Variants in SH2D3A observed in about 807,000 individuals in gnomAD.
SH2D3A encodes the protein SH2 domain-containing protein 3A.
In SH2D3A, 46 loss-of-function variants were observed where a neutral mutation model predicts 50.6. The observed-to-expected ratio is 0.91, with a 90% CI of 0.72 to 1.16. The LOEUF (loss-of-function observed/expected upper bound fraction) is 1.16, where lower values mean the gene tolerates loss of function less well. Ranked by LOEUF, SH2D3A falls within the 50% of genes most tolerant of loss-of-function variation. The pLI, the probability that SH2D3A is intolerant of heterozygous loss-of-function variation, is 0.00. For missense variants in SH2D3A, 783 were observed against 786.2 expected, an observed-to-expected ratio of 1.00 and a Z score of 0.05; for synonymous variants, 377 against 348.4, an observed-to-expected ratio of 1.08 and a Z score of -0.91.
Position 6,759,604 on chromosome 19 carries a change from G to T in SH2D3A, c.486C>A (p.Pro162=). The part of the protein sequence containing the change: ...LAHMGRSRED[P]AGMEASTMPI... ...CTAGCAGACACTTACCCATCCCAGC[G>T]GGGTCTTCTCTTGACCGCCCCATAT... Residue 162 remains proline, a synonymous_variant, in exon 4 of 10, where the codon CCC becomes CCA. Transcript: ENST00000245908. The T allele has an allele frequency of 6.2e-7, 1 of 1,613,858 alleles. No homozygotes were observed.
chr19:6,760,692 C>A lies in SH2D3A; in HGVS notation c.365G>T (p.Arg122Leu). 3.7e-6 allele frequency: 6 copies of A among 1,611,940 alleles called. No homozygotes were observed. The highest frequency in any genetic ancestry group is 1.7e-4 in the Middle Eastern group (1 of 6,042). ...CATCAGGGTGTCCTCGCTAAAGCTGCGTCGCAGAGGCCCCTGCCAAGTCAC... is the reference window on the plus strand; with the variant it reads ...CATCAGGGTGTCCTCGCTAAAGCTGAGTCGCAGAGGCCCCTGCCAAGTCAC... ...RPVTWQGPLR[R>L]SFSEDTLMDG... The change falls in exon 3 of 10, where the codon CGC becomes CTC. Residue 122 changes from arginine to leucine, a missense_variant. Transcript: ENST00000245908.
chr19:6,752,818 C>G, intron 9 of SH2D3A, 65 bp from the exon 10 acceptor site: 2 of 1,446,016 alleles, frequency 1.4e-6, no homozygotes, highest in South Asian at 2.8e-5. Flanking sequence ...TCCCAACCTC[C>G]CGGCACCTTC....
At position 6,759,657 on chromosome 19, in the gene SH2D3A, T is replaced by C; in HGVS notation, c.433A>G (p.Ser145Gly). ...GCCAAATCTGCAGGCTGACTGTTGC[T>C]CCACTTCCTTGCCCTGGGGGACAGA... ...RIEPLRARKW[S>G]NSQPADLAHM... Residue 145 changes from serine (S) to glycine (G), a missense_variant, in exon 4 of 10, where the codon AGC becomes GGC. Physicochemically the swap from Ser to Gly is moderately conservative, Grantham distance 56. Coordinates refer to ENST00000245908, the MANE Select transcript of SH2D3A (RefSeq NM_005490.3). 1 of 1,613,788 alleles carries C rather than the reference T, an allele frequency of 6.2e-7. No homozygotes were observed. The highest frequency in any genetic ancestry group is 8.5e-7 in the Non-Finnish European group (1 of 1,179,800).
intron 1 of SH2D3A, among the ~76,000 whole-genome samples, chr19:6,766,061 G>T (rs186025130): frequency 1.3e-5 from 2 of 152,240 alleles, no homozygotes; most frequent in East Asian, 1.9e-4. Context: ...CTTCTGGTGG[G>T]GTCTGCAGAG....
chr19:6,753,110 G>A, intron 9 of SH2D3A: 1 of 985,364 alleles, frequency 1.0e-6, no homozygotes, highest in Non-Finnish European at 1.2e-6. Flanking sequence ...GCTGCCCTAG[G>A]ATAGGACGGA....
At chr19:6,756,216 TATA>T (rs1009785773) in intron 4 of SH2D3A, among the ~76,000 whole-genome samples, 1 of 148,712 alleles carries the variant, frequency 6.7e-6, no homozygotes, top group African/African-American at 2.4e-5. Flanking sequence ...TTATTAAATG[TATA>T]ATGTTGCCCT....
At chr19:6,763,903 A>ATAT in intron 1 of SH2D3A, 87 bp from the exon 2 acceptor site, 1 of 266,772 alleles carries the variant, frequency 3.7e-6, no homozygotes, top group Non-Finnish European at 6.9e-6. Flanking sequence ...GCTCCATCAA[A>ATAT]TCTTTTTTTT....
intron 6 of SH2D3A, 55 bp from the exon 7 acceptor site, chr19:6,754,480 G>A (rs1170297195): frequency 2.6e-6 from 4 of 1,540,804 alleles, no homozygotes; most frequent in Admixed American, 1.8e-5. Context: ...GTAATGCAGG[G>A]GTGAGGGGGG....
In SH2D3A at chr19:6,763,708, G is replaced by T. The variant is rs748127510; in HGVS notation, c.41C>A (p.Pro14His). The change falls in exon 2 of 10, where the codon CCT becomes CAT. Residue 14 changes from proline (P) to histidine (H), a missense_variant. By Grantham distance (77) the Pro-to-His change is moderately conservative. Transcript: ENST00000245908. ...PQDGEDLAGQ[P>H]WYHGLLSRQK... is the part of the protein sequence containing the mutation. Reference sequence around the variant, plus strand: ...GCGGGACAGGAGGCCGTGGTACCAAGGTTGGCCAGCAAGGTCTTCTCCATC... The same window carrying T: ...GCGGGACAGGAGGCCGTGGTACCAATGTTGGCCAGCAAGGTCTTCTCCATC... 1 of 1,612,566 alleles carries T rather than the reference G, an allele frequency of 6.2e-7. No homozygotes were observed. Among genetic ancestry groups the T allele is most frequent in the East Asian group, 2.2e-5 (1 of 44,846 alleles).
chr19:6,765,384 G>A (rs912708081), intron 1 of SH2D3A, among the ~76,000 whole-genome samples: 16 of 152,072 alleles, frequency 1.1e-4, no homozygotes, highest in Non-Finnish European at 2.1e-4. Context: ...ATGGCTTCTC[G>A]GCAACCTATG....
intron 2 of SH2D3A, 102 bp downstream of exon 2, chr19:6,763,578 A>G: frequency 9.5e-7 from 1 of 1,048,620 alleles, no homozygotes; most frequent in South Asian, 1.5e-5. Context: ...CTGTCCCAAT[A>G]GACCTTGGCA....
Position 6,754,827 on chromosome 19 carries a change from C to G in SH2D3A, c.981+4G>C, listed in dbSNP as rs1599579468. 1 of 1,606,532 alleles carries G rather than the reference C, an allele frequency of 6.2e-7. No homozygotes were observed. The highest frequency in any genetic ancestry group is 8.5e-7 in the Non-Finnish European group (1 of 1,175,062). ...GGGGAGGAGCATCCCAGGAGGTGAC[C>G]CACCTGGCAGTCTACCAATAGCAGG... On this transcript the variant is annotated splice_donor_region_variant and intron_variant, in intron 5 of 9. Transcript: ENST00000245908.
At chr19:6,763,399 T>C (rs1483008651) in intron 2 of SH2D3A, among the ~76,000 whole-genome samples, 2 of 151,788 alleles carry the variant, frequency 1.3e-5, no homozygotes, top group Non-Finnish European at 2.9e-5. Flanking sequence ...TACCAGGAGG[T>C]AGATGGAGTT....
Position 6,754,173 on chromosome 19 carries a change from G to A in SH2D3A, c.1273-10C>T. On this transcript the variant is annotated splice_polypyrimidine_tract_variant and intron_variant, in intron 7 of 9. Transcript: ENST00000245908. ...GCTCCAACCGGGACACCTGGGAGAA[G>A]AGATCTGAGCACGCCTCCTCTCCAG... 6.2e-7 allele frequency: 1 copy of A among 1,612,042 alleles called. No individual in the cohort carries two copies. Among genetic ancestry groups the A allele is most frequent in the Non-Finnish European group, 8.5e-7 (1 of 1,179,278 alleles).
chr19:6,754,768 T>C, intron 5 of SH2D3A, 37 bp from the exon 6 acceptor site: 1 of 1,613,732 alleles, frequency 6.2e-7, no homozygotes, highest in Middle Eastern at 1.6e-4. Context: ...TGAAGCGTGA[T>C]TATGTAGGCA....
At chr19:6,765,460 G>A (rs960119325) in intron 1 of SH2D3A, among the ~76,000 whole-genome samples, 1 of 151,976 alleles carries the variant, frequency 6.6e-6, no homozygotes, top group African/African-American at 2.4e-5. Flanking sequence ...AGAATGCAAC[G>A]CTGGGGGCCA....
rs747854212 is a variant in SH2D3A, at chr19:6,754,415, G to C, written c.1108C>G (p.Leu370Val). Residue 370 changes from leucine to valine, a missense_variant, in exon 7 of 10, where the codon CTG becomes GTG. Physicochemically the swap from Leu to Val is conservative, Grantham distance 32. Transcript: ENST00000245908. Reference protein sequence around the residue: ...RLELLERHQTLALAGALAVLG... With the variant: ...RLELLERHQTVALAGALAVLG... Reference sequence around the variant, plus strand: ...ACCGCCAGCGCCCCGGCCAGCGCCAGTGTCTGATGCCTGCAGAGGTGGAGG... The same window carrying C: ...ACCGCCAGCGCCCCGGCCAGCGCCACTGTCTGATGCCTGCAGAGGTGGAGG... 2.0e-6 allele frequency: 3 copies of C among 1,525,122 alleles called. No individual in the cohort carries two copies. The highest frequency in any genetic ancestry group is 2.7e-5 in the African/African-American group (2 of 72,760). 94.5% of individuals were successfully genotyped at this position (1,525,122 alleles called of 1,614,324 possible). A position where few individuals can be genotyped will look rare whatever the true frequency, so the allele number is the denominator to read the frequency against.
intron 1 of SH2D3A, among the ~76,000 whole-genome samples, chr19:6,766,510 C>T (rs1970309628): frequency 6.6e-6 from 1 of 152,212 alleles, no homozygotes; most frequent in Non-Finnish European, 1.5e-5. Flanking sequence ...AAACATGTGT[C>T]CACGTGTGGG....
rs1240204720 is a variant in SH2D3A, at chr19:6,760,810, C to T, written c.247G>A (p.Glu83Lys). Residue 83 changes from glutamate to lysine, a missense_variant, in exon 3 of 10, where the codon GAG becomes AAG. Glu to Lys is a moderately conservative substitution (Grantham distance 56). Coordinates refer to ENST00000245908, the MANE Select transcript of SH2D3A (RefSeq NM_005490.3). The stretch of plus-strand genomic sequence containing the variant: ...AGAGCCGGTATGCTGGGGAATTGCT[C>T]ATCCTCCAGTTGAAAGAGGGCTGTG... ...RPTALFQLEDEQFPSIPALVH... is the reference protein window; with the variant it reads ...RPTALFQLEDKQFPSIPALVH... The T allele has an allele frequency of 3.1e-6, 5 of 1,614,266 alleles. No homozygotes were observed. Among genetic ancestry groups the T allele is most frequent in the Non-Finnish European group, 4.2e-6 (5 of 1,180,046 alleles).
Sources: allele counts gnomAD v4.1 joint callset (sites outside exome capture counted in the v4.1 genomes callset), GRCh38; gene constraint gnomAD v4.1.1; transcripts MANE v1.5; gene names NCBI Gene and HGNC (gene_info 2026-07-23, HGNC 2026-07-21).